Variants in DOCK9 observed in about 807,000 individuals in gnomAD.
DOCK9 encodes the protein dedicator of cytokinesis protein 9.
A neutral mutation model predicts 263.3 loss-of-function variants in DOCK9; 89 were observed. That is an observed-to-expected ratio of 0.34 (90% CI 0.28 to 0.40). DOCK9 has a LOEUF of 0.40. DOCK9 is among the 10% of genes least tolerant of loss of function. DOCK9 has a pLI of 1.00. For synonymous variants in DOCK9, 976 were observed against 973.1 expected, an observed-to-expected ratio of 1.00 and a Z score of -0.06; for missense variants, 2,140 against 2,603.4, an observed-to-expected ratio of 0.82 and a Z score of 3.87.
At chr13:98,994,098 T>A (rs1880444726) in intron 1 of DOCK9, among the ~76,000 whole-genome samples, 1 of 152,050 alleles carries the variant, frequency 6.6e-6, no homozygotes. Flanking sequence ...AACTTTAAAA[T>A]AAAAAAATAA....
At chr13:98,901,694 A>G in intron 13 of DOCK9, 84 bp downstream of exon 13, 1 of 1,448,364 alleles carries the variant, frequency 6.9e-7, no homozygotes, top group Non-Finnish European at 9.3e-7. Flanking sequence ...CTTATGTTTG[A>G]TTTCATTAAG....
intron 45 of DOCK9, among the ~76,000 whole-genome samples, chr13:98,823,772 G>A (rs2092401868): frequency 6.6e-6 from 1 of 152,214 alleles, no homozygotes; most frequent in Non-Finnish European, 1.5e-5. Flanking sequence ...CAGATAAGTG[G>A]CTGCAAGGCT....
At chr13:98,996,888 C>T (rs1266315059) in intron 1 of DOCK9, among the ~76,000 whole-genome samples, 2 of 152,192 alleles carry the variant, frequency 1.3e-5, no homozygotes, top group Non-Finnish European at 2.9e-5. Context: ...AAGCAAACAG[C>T]ATAGTTTTAC....
intron 2 of DOCK9, among the ~76,000 whole-genome samples, chr13:98,933,327 G>T (rs558393168): frequency 6.6e-6 from 1 of 151,628 alleles, no homozygotes; most frequent in Non-Finnish European, 1.5e-5. Flanking sequence ...AAAGGAAATA[G>T]ATCTTTTTTA....
At chr13:99,053,988 G>C (rs1020006537) in intron 1 of DOCK9, among the ~76,000 whole-genome samples, 1 of 152,138 alleles carries the variant, frequency 6.6e-6, no homozygotes, top group African/African-American at 2.4e-5. Flanking sequence ...TGCCTAACAC[G>C]GTAAGCAAGA....
chr13:99,087,053 CT>C (rs1027989074), upstream of DOCK9, among the ~76,000 whole-genome samples: 3 of 152,070 alleles, frequency 2.0e-5, no homozygotes, highest in Non-Finnish European at 2.9e-5. Flanking sequence ...CACGCCCCCC[CT>C]CTGCGCCCGG....
intron 38 of DOCK9, among the ~76,000 whole-genome samples, chr13:98,841,094 G>A (rs905904692): frequency 6.6e-6 from 1 of 152,204 alleles, no homozygotes; most frequent in African/African-American, 2.4e-5. Flanking sequence ...GACTGGCAAA[G>A]AGTAGAGAAT....
chr13:98,944,247 T>C (rs1168177016), intron 2 of DOCK9, among the ~76,000 whole-genome samples: 1 of 152,170 alleles, frequency 6.6e-6, no homozygotes, highest in Non-Finnish European at 1.5e-5. Flanking sequence ...ACTTGATGTA[T>C]ACAGGTGGTA....
chr13:98,875,187 A>G (rs1382273316), intron 27 of DOCK9, among the ~76,000 whole-genome samples: 1 of 152,214 alleles, frequency 6.6e-6, no homozygotes, highest in East Asian at 1.9e-4. Flanking sequence ...TTCAAGGTTA[A>G]GGGTTCACTC....
intron 1 of DOCK9, among the ~76,000 whole-genome samples, chr13:98,994,887 C>G (rs1324587949): frequency 6.6e-6 from 1 of 152,040 alleles, no homozygotes; most frequent in Non-Finnish European, 1.5e-5. Flanking sequence ...TTAAAATATT[C>G]TAGAAGCTCA....
At position 98,888,422 on chromosome 13, in the gene DOCK9, T is replaced by C. The variant is rs1442897492; in HGVS notation, c.1915A>G (p.Thr639Ala). 7 of 1,614,004 alleles carry C rather than the reference T, an allele frequency of 4.3e-6. No homozygotes were observed. Among genetic ancestry groups the C allele is most frequent in the Admixed American group, 3.3e-5 (2 of 60,032 alleles). Residue 639 changes from threonine (T) to alanine (A), a missense_variant, in exon 17 of 53, where the codon ACC becomes GCC. Transcript: ENST00000682017. ...PKHTQPYTIYTNHLYVYPKYL... is the reference protein window; with the variant it reads ...PKHTQPYTIYANHLYVYPKYL... ...TTAGGATAAACGTAAAGGTGATTGGTGTAGATGGTGTAAGGCTGAGTGTGT... is the reference window on the plus strand; with the variant it reads ...TTAGGATAAACGTAAAGGTGATTGGCGTAGATGGTGTAAGGCTGAGTGTGT...
chr13:98,925,574 C>T (rs547921045), intron 4 of DOCK9, among the ~76,000 whole-genome samples: 13 of 152,216 alleles, frequency 8.5e-5, no homozygotes, highest in African/African-American at 2.9e-4. Context: ...AAAATTTCAC[C>T]TATTTATTTA....
At chr13:98,899,389 T>G (rs1300066807) in intron 13 of DOCK9, among the ~76,000 whole-genome samples, 1 of 152,136 alleles carries the variant, frequency 6.6e-6, no homozygotes, top group African/African-American at 2.4e-5. Context: ...CACCTGAAAA[T>G]GGGGGCTAGG....
intron 1 of DOCK9, among the ~76,000 whole-genome samples, chr13:99,012,108 G>C (rs764926623): frequency 6.6e-6 from 1 of 152,180 alleles, no homozygotes; most frequent in East Asian, 1.9e-4. Flanking sequence ...GAGCCACAGC[G>C]CCCAGCCCAG....
chr13:98,803,664 T>A (rs2090371671), intron 49 of DOCK9, among the ~76,000 whole-genome samples: 1 of 152,168 alleles, frequency 6.6e-6, no homozygotes, highest in Non-Finnish European at 1.5e-5. Context: ...GTGATTCCCA[T>A]AAAGTGATTC....
upstream of DOCK9, among the ~76,000 whole-genome samples, chr13:98,980,418 G>A (rs1438962198): frequency 6.6e-6 from 1 of 152,234 alleles, no homozygotes; most frequent in Non-Finnish European, 1.5e-5. Context: ...ACGTTATACA[G>A]AGAGCAGGGG....
Position 98,809,462 on chromosome 13 carries a change from G to C in DOCK9, c.5257C>G (p.Leu1753Val). 1 of 1,595,654 alleles carries C rather than the reference G, an allele frequency of 6.3e-7. No homozygotes were observed. The highest frequency in any genetic ancestry group is 8.5e-7 in the Non-Finnish European group (1 of 1,173,624). ...TGCAGCGTGTCATACAGATGGGCCA[G>C]CCTCTGGAAAGCAGAACAAAGCCCA... ...IYEKRRDFER[L>V]AHLYDTLHRA... The change falls in exon 47 of 53, where the codon CTG becomes GTG. Residue 1753 changes from leucine to valine, a missense_variant. Transcript: ENST00000682017.
chr13:98,797,089 G>A (rs1464445188), intron 52 of DOCK9, 26 bp downstream of exon 52: 2 of 1,613,610 alleles, frequency 1.2e-6, no homozygotes, highest in Non-Finnish European at 1.7e-6. Context: ...AGAACTCCAA[G>A]TTGTTGGAGC....
At chr13:99,027,514 A>T (rs1263868816) in intron 1 of DOCK9, among the ~76,000 whole-genome samples, 5 of 152,172 alleles carry the variant, frequency 3.3e-5, no homozygotes, top group African/African-American at 1.2e-4. Flanking sequence ...AAACCACCAG[A>T]GGCTGGGGAT....
Sources: allele counts gnomAD v4.1 joint callset (sites outside exome capture counted in the v4.1 genomes callset), GRCh38; gene constraint gnomAD v4.1.1; transcripts MANE v1.5; gene names NCBI Gene and HGNC (gene_info 2026-07-23, HGNC 2026-07-21).